Variants in CSMD1 observed in about 807,000 individuals in gnomAD.
CSMD1 encodes CUB and sushi domain-containing protein 1.
In CSMD1, 213 loss-of-function variants were observed where a neutral mutation model predicts 417.5. The observed-to-expected ratio is 0.51, with a 90% CI of 0.46 to 0.57. The LOEUF is 0.57. Among genes scored for constraint, CSMD1 ranks in the 20% least tolerant of loss-of-function variants. The pLI, the probability that CSMD1 is intolerant of heterozygous loss-of-function variation, is 0.00. For missense variants in CSMD1, 6,923 were observed against 4,529.7 expected, an observed-to-expected ratio of 1.53 and a Z score of -15.17; for synonymous variants, 2,862 against 1,736.8, an observed-to-expected ratio of 1.65 and a Z score of -16.11.
At chr8:4,908,049 G>C (rs969903834) in intron 1 of CSMD1, among the ~76,000 whole-genome samples, 1 of 152,110 alleles carries the variant, frequency 6.6e-6, no homozygotes, top group African/African-American at 2.4e-5. Context: ...ATGTACAATA[G>C]TTTTCCATTA....
intron 6 of CSMD1, among the ~76,000 whole-genome samples, chr8:3,748,200 G>C (rs1046409418): frequency 6.6e-6 from 1 of 152,166 alleles, no homozygotes; most frequent in South Asian, 2.1e-4. Context: ...TAGATATTTA[G>C]GAAAAGTGGT....
intron 5 of CSMD1, among the ~76,000 whole-genome samples, chr8:3,957,535 C>G (rs748721530): frequency 6.6e-6 from 1 of 151,936 alleles, no homozygotes; most frequent in Non-Finnish European, 1.5e-5. Context: ...TTTAAAAAAA[C>G]TAGCTGGGCA....
At chr8:3,742,714 G>A (rs907593089) in intron 6 of CSMD1, among the ~76,000 whole-genome samples, 2 of 151,878 alleles carry the variant, frequency 1.3e-5, no homozygotes, top group East Asian at 1.9e-4. Context: ...AGCTTGCATA[G>A]GATCAGAGAG....
intron 1 of CSMD1, among the ~76,000 whole-genome samples, chr8:4,890,593 C>A (rs936170050): frequency 6.7e-6 from 1 of 148,556 alleles, no homozygotes; most frequent in African/African-American, 2.5e-5. Flanking sequence ...CAGGTGAGAG[C>A]GTGACTCTGA....
intron 3 of CSMD1, among the ~76,000 whole-genome samples, chr8:4,250,524 G>C (rs953621555): frequency 6.6e-6 from 1 of 152,026 alleles, no homozygotes; most frequent in Non-Finnish European, 1.5e-5. Context: ...TATGTATATC[G>C]CCCATGAAGT....
chr8:3,140,251 G>A (rs776247117), intron 41 of CSMD1, among the ~76,000 whole-genome samples: 3 of 152,142 alleles, frequency 2.0e-5, no homozygotes, highest in African/African-American at 7.2e-5. Context: ...TTGAAAAAGA[G>A]AGAGAGCAGA....
intron 2 of CSMD1, among the ~76,000 whole-genome samples, chr8:4,615,256 G>A (rs560229714): frequency 9.8e-5 from 15 of 152,298 alleles, no homozygotes; most frequent in African/African-American, 2.6e-4. Context: ...TGCATAGAAC[G>A]TGGAGAGCTT....
chr8:3,855,128 T>C (rs1804203829), intron 5 of CSMD1, among the ~76,000 whole-genome samples: 1 of 152,220 alleles, frequency 6.6e-6, no homozygotes, highest in South Asian at 2.1e-4. Flanking sequence ...AATATTTTTC[T>C]GTACTCTCTA....
At chr8:3,732,645 G>C (rs551657762) in intron 6 of CSMD1, among the ~76,000 whole-genome samples, 4 of 152,122 alleles carry the variant, frequency 2.6e-5, no homozygotes, top group South Asian at 2.1e-4. Flanking sequence ...TTGTTTGCTT[G>C]TTTGAACAGA....
intron 26 of CSMD1, among the ~76,000 whole-genome samples, chr8:3,272,915 C>T (rs958716974): frequency 4.7e-5 from 7 of 148,924 alleles, no homozygotes; most frequent in Non-Finnish European, 8.9e-5. Flanking sequence ...TAATTGAATA[C>T]CCTTTATTTC....
intron 3 of CSMD1, among the ~76,000 whole-genome samples, chr8:4,417,260 A>G (rs908227597): frequency 3.9e-5 from 6 of 152,136 alleles, no homozygotes; most frequent in East Asian, 1.9e-4. Flanking sequence ...TGATTACACT[A>G]TTTTAATTTG....
At chr8:4,985,620 T>G (rs1366913014) in intron 1 of CSMD1, among the ~76,000 whole-genome samples, 1 of 152,236 alleles carries the variant, frequency 6.6e-6, no homozygotes. Flanking sequence ...CCAGATCACA[T>G]TAATCAATAA....
chr8:4,625,349 T>C lies in CSMD1; in HGVS notation c.302+11993A>G, dbSNP rs146852737. Among the ~76,000 whole-genome samples, 596 of 152,206 alleles carry C rather than the reference T, an allele frequency of 3.9e-3. 5 individuals carry two copies. The highest frequency in any genetic ancestry group is 0.027 in the Middle Eastern group (8 of 294). On this transcript the variant is annotated intron_variant, in intron 2 of 69. Transcript: ENST00000635120. The stretch of plus-strand genomic sequence containing the variant: ...GTCTCAATAGAGGGTCAAGTTTCAG[T>C]GCAAAATGTAAATGATCCTTTCAAC...
intron 50 of CSMD1, among the ~76,000 whole-genome samples, chr8:3,034,145 A>G (rs1461989949): frequency 6.6e-6 from 1 of 152,258 alleles, no homozygotes. Flanking sequence ...TTACTCAAAT[A>G]AACTCTGCTA....
At chr8:3,500,297 C>G (rs995795018) in intron 10 of CSMD1, among the ~76,000 whole-genome samples, 3 of 152,214 alleles carry the variant, frequency 2.0e-5, no homozygotes, top group African/African-American at 7.2e-5. Flanking sequence ...GGCACTCTAG[C>G]TAGACATCTC....
chr8:4,209,582 C>G (rs944252273), intron 3 of CSMD1, among the ~76,000 whole-genome samples: 1 of 152,176 alleles, frequency 6.6e-6, no homozygotes, highest in Non-Finnish European at 1.5e-5. Context: ...GTCCACCTGC[C>G]TTTCCTTTTC....
intron 49 of CSMD1, among the ~76,000 whole-genome samples, chr8:3,069,037 T>C (rs1813148255): frequency 6.6e-6 from 1 of 152,236 alleles, no homozygotes; most frequent in Non-Finnish European, 1.5e-5. Flanking sequence ...ATCCCTTCCA[T>C]TTATGAACTT....
chr8:4,171,307 G>A (rs1217219847), intron 3 of CSMD1, among the ~76,000 whole-genome samples: 2 of 151,816 alleles, frequency 1.3e-5, no homozygotes, highest in African/African-American at 2.4e-5. Flanking sequence ...CCTACGCCAG[G>A]CTGTTTTCCA....
chr8:4,121,278 C>T (rs1486174406), intron 3 of CSMD1, among the ~76,000 whole-genome samples: 2 of 151,968 alleles, frequency 1.3e-5, no homozygotes, highest in Non-Finnish European at 2.9e-5. Flanking sequence ...CCACACCCAG[C>T]TCGTTTTTGT....
Sources: gnomAD v4.1 joint callset for allele counts (sites outside exome capture counted in the v4.1 genomes callset) on GRCh38, gnomAD v4.1.1 for gene constraint, MANE v1.5 for transcripts, NCBI Gene and HGNC (gene_info 2026-07-23, HGNC 2026-07-21) for gene names.